The following SAMHD1 variants were observed in gnomAD, a reference collection of about 807,000 sequenced individuals.
SAMHD1 encodes SAM and HD domain containing deoxynucleoside triphosphate triphosphohydrolase 1.
Under a neutral mutation model 79.6 loss-of-function variants are expected in SAMHD1, and 54 were observed. The observed-to-expected ratio is 0.68, with a 90% CI of 0.55 to 0.85. The LOEUF is 0.85. SAMHD1 is among the 40% of genes least tolerant of loss of function. The pLI is 0.00. For missense variants in SAMHD1, 663 were observed against 782.7 expected, an observed-to-expected ratio of 0.85 and a Z score of 1.82; for synonymous variants, 260 against 264.1, an observed-to-expected ratio of 0.98 and a Z score of 0.15.
At chr20:36,925,176 A>G (rs1187311046) in intron 6 of SAMHD1, among the ~76,000 whole-genome samples, 2 of 152,088 alleles carry the variant, frequency 1.3e-5, no homozygotes, top group Non-Finnish European at 2.9e-5. Flanking sequence ...AAAAAGAAAA[A>G]AAAAGATTTC....
At chr20:36,920,732 C>T (rs1229024509) in intron 6 of SAMHD1, among the ~76,000 whole-genome samples, 2 of 149,264 alleles carry the variant, frequency 1.3e-5, no homozygotes, top group Non-Finnish European at 3.0e-5. Context: ...TGCACTCCAG[C>T]CTGGGTGGGC....
chr20:36,909,918 C>A (rs1444399916), intron 11 of SAMHD1, among the ~76,000 whole-genome samples: 1 of 151,562 alleles, frequency 6.6e-6, no homozygotes, highest in Non-Finnish European at 1.5e-5. Context: ...CCTGTCTCTA[C>A]AAAAATTAAA....
chr20:36,933,079 G>A (rs980586058), intron 4 of SAMHD1, among the ~76,000 whole-genome samples: 1 of 152,102 alleles, frequency 6.6e-6, no homozygotes, highest in Non-Finnish European at 1.5e-5. Context: ...TTATCTTTTT[G>A]TGGTTTGGTA....
At chr20:36,945,619 G>A (rs1012649573) in intron 2 of SAMHD1, among the ~76,000 whole-genome samples, 13 of 152,112 alleles carry the variant, frequency 8.5e-5, no homozygotes, top group African/African-American at 2.4e-4. Context: ...GGTGGCTTAT[G>A]CCTGTAATCT....
rs1990230030 is a variant in SAMHD1, at chr20:36,898,041, C to A, written c.1609-82G>T. 9 of 1,554,270 alleles carry A rather than the reference C, an allele frequency of 5.8e-6. No homozygotes were observed. The East Asian group carries it at 9.0e-5, about 15-fold the overall frequency. ...GCTGGTCCCTAGGCTCCTAACTATTCCTTTTTTTTTGAGACAAGATCTCCC... is the reference window on the plus strand; with the variant it reads ...GCTGGTCCCTAGGCTCCTAACTATTACTTTTTTTTTGAGACAAGATCTCCC... On this transcript the variant is annotated intron_variant, in intron 14 of 15. Transcript: ENST00000646673.
At chr20:36,897,127 C>T (rs984444176) in intron 15 of SAMHD1, among the ~76,000 whole-genome samples, 1 of 152,238 alleles carries the variant, frequency 6.6e-6, no homozygotes. Flanking sequence ...CACCGACATC[C>T]TGAGCTACGC....
chr20:36,907,139 T>C (rs946229928), intron 11 of SAMHD1, among the ~76,000 whole-genome samples: 3 of 151,588 alleles, frequency 2.0e-5, no homozygotes, highest in African/African-American at 7.3e-5. Flanking sequence ...TGGCCTAGGC[T>C]GAAGTGCAGT....
At chr20:36,947,294 ACT>A (rs1202270530) in intron 1 of SAMHD1, among the ~76,000 whole-genome samples, 1 of 147,932 alleles carries the variant, frequency 6.8e-6, no homozygotes. Flanking sequence ...AGCACTCAAT[ACT>A]CTGATTTGGA....
rs1166195688 is a variant in SAMHD1 at position 36,904,582 on chromosome 20, T to G, written c.1411-333A>C. The G allele has an allele frequency of 9.2e-5, 31 of 336,270 alleles. No individual in the cohort carries two copies. In the Admixed American group the frequency reaches 1.3e-3, roughly 15 times the overall value. 20.8% of individuals were successfully genotyped at this position (336,270 alleles called of 1,614,324 possible). A position where few individuals can be genotyped will look rare whatever the true frequency, so the allele number is the denominator to read the frequency against. On this transcript the variant is annotated intron_variant, in intron 12 of 15. Transcript: ENST00000646673. ...AAATACAAAAATTAGCTGGGCGTGGTGGCGGGTGCCTGTAATCCCAACTAC... is the reference window on the plus strand; with the variant it reads ...AAATACAAAAATTAGCTGGGCGTGGGGGCGGGTGCCTGTAATCCCAACTAC...
At chr20:36,932,573 A>G (rs1216377981) in intron 4 of SAMHD1, among the ~76,000 whole-genome samples, 1 of 147,476 alleles carries the variant, frequency 6.8e-6, no homozygotes, top group African/African-American at 2.5e-5. Context: ...ACACTCCACC[A>G]TGCCCGGCTG....
chr20:36,916,644 C>G lies in SAMHD1; in HGVS notation c.1062+78G>C, dbSNP rs1017354468. Reference sequence around the variant, plus strand: ...AGAGACTGACGATTTACCAATTATTCCAAATTGTTAAATGGTTATTTCCAA... The same window carrying G: ...AGAGACTGACGATTTACCAATTATTGCAAATTGTTAAATGGTTATTTCCAA... On this transcript the variant is annotated intron_variant, in intron 9 of 15. Coordinates refer to ENST00000646673, the MANE Select transcript of SAMHD1 (RefSeq NM_015474.4). 4.0e-6 allele frequency: 4 copies of G among 1,010,382 alleles called. No homozygotes were observed. In the East Asian group the frequency reaches 9.5e-5, roughly 24 times the overall value. The allele number at this position is 1,010,382 out of a possible 1,614,324, so 62.6% of individuals were successfully genotyped here. A position where few individuals can be genotyped will look rare whatever the true frequency, so the allele number is the denominator to read the frequency against.
intron 2 of SAMHD1, among the ~76,000 whole-genome samples, chr20:36,945,246 G>A (rs774124606): frequency 5.3e-5 from 8 of 152,084 alleles, no homozygotes; most frequent in South Asian, 4.1e-4. Context: ...TTTACTAAGC[G>A]TTAATCATAT....
At chr20:36,903,821 G>A (rs1484952768) in intron 13 of SAMHD1, 2 of 214,160 alleles carry the variant, frequency 9.3e-6, no homozygotes, top group East Asian at 1.3e-4. Flanking sequence ...AAAGTTCTGG[G>A]ATTACAGGCG....
intron 4 of SAMHD1, among the ~76,000 whole-genome samples, chr20:36,932,960 C>A (rs6030259): frequency 7.2e-5 from 11 of 152,126 alleles, no homozygotes; most frequent in African/African-American, 2.4e-4. Flanking sequence ...GTAATGTTTA[C>A]AACATAATTG....
At chr20:36,917,705 T>A (rs1191403349) in intron 7 of SAMHD1, among the ~76,000 whole-genome samples, 1 of 152,130 alleles carries the variant, frequency 6.6e-6, no homozygotes, top group African/African-American at 2.4e-5. Context: ...AATGCTTGAA[T>A]TCATGCATTA....
In SAMHD1 at chr20:36,930,830, T is replaced by C; in HGVS notation, c.555A>G (p.Lys185=). The change falls in exon 5 of 16, where the codon AAA becomes AAG. Residue 185 remains lysine (K), a synonymous_variant. Coordinates refer to ENST00000646673, the MANE Select transcript of SAMHD1 (RefSeq NM_015474.4). The part of the protein sequence containing the change: ...AGCLVHALGE[K]QPELQISERD... ...GTTCACTTATCTGCAGCTCTGGTTG[T>C]TTTTCACCCAGTGCGTGAACTAGAC... The C allele has an allele frequency of 1.9e-6, 3 of 1,613,908 alleles. No individual in the cohort carries two copies. Among genetic ancestry groups the C allele is most frequent in the Non-Finnish European group, 2.5e-6 (3 of 1,179,916 alleles).
intron 3 of SAMHD1, 93 bp downstream of exon 3, chr20:36,940,946 C>T (rs1330595568): frequency 2.1e-5 from 19 of 917,626 alleles, no homozygotes; most frequent in Admixed American, 1.3e-4. Flanking sequence ...CACTGAGAAG[C>T]AGATTTCCTC....
At chr20:36,901,468 G>A (rs1354993632) in intron 13 of SAMHD1, among the ~76,000 whole-genome samples, 2 of 152,194 alleles carry the variant, frequency 1.3e-5, no homozygotes, top group Non-Finnish European at 2.9e-5. Flanking sequence ...GGGTGCAGTG[G>A]CTCATGCCTA....
chr20:36,900,607 G>T (rs1168204287), intron 13 of SAMHD1, among the ~76,000 whole-genome samples: 1 of 138,190 alleles, frequency 7.2e-6, no homozygotes, highest in Non-Finnish European at 1.6e-5. Context: ...TTTCTGTGTC[G>T]CCAGGCTGGA....
Sources: gnomAD v4.1 joint callset for allele counts (sites outside exome capture counted in the v4.1 genomes callset) on GRCh38, gnomAD v4.1.1 for gene constraint, MANE v1.5 for transcripts, NCBI Gene and HGNC (gene_info 2026-07-23, HGNC 2026-07-21) for gene names.